Variants in TBC1D19 observed in about 807,000 individuals in gnomAD.
TBC1D19 encodes TBC1 domain family, member 19.
A neutral mutation model predicts 89.0 loss-of-function variants in TBC1D19; 60 were observed. The observed-to-expected ratio is 0.67, with a 90% CI of 0.55 to 0.84. The LOEUF is 0.84. Among genes scored for constraint, TBC1D19 ranks in the 40% least tolerant of loss-of-function variants. The probability of loss-of-function intolerance (pLI) is 0.00; values close to 1 mark genes in which losing one functional copy is unlikely to be tolerated. For missense variants in TBC1D19, 500 were observed against 610.8 expected, an observed-to-expected ratio of 0.82 and a Z score of 1.91; for synonymous variants, 189 against 199.7, an observed-to-expected ratio of 0.95 and a Z score of 0.45.
the TBC1D19 span, among the ~76,000 whole-genome samples, chr4:26,845,301 A>G: frequency 1.3e-5 from 2 of 152,216 alleles, no homozygotes; most frequent in African/African-American, 2.4e-5. Flanking sequence ...TACAAGAGTC[A>G]TTTCAAAAAG....
At chr4:26,752,861 A>T (rs1454356803) in intron 19 of TBC1D19, among the ~76,000 whole-genome samples, 2 of 152,064 alleles carry the variant, frequency 1.3e-5, no homozygotes, top group East Asian at 3.9e-4. Context: ...GGTTTTTGCC[A>T]TGTTGCCCAG....
At chr4:26,604,108 C>T (rs1161872514) in intron 1 of TBC1D19, among the ~76,000 whole-genome samples, 2 of 150,618 alleles carry the variant, frequency 1.3e-5, no homozygotes, top group Non-Finnish European at 3.0e-5. Context: ...ATATCATGAA[C>T]GTTCATCCAT....
chr4:26,692,371 C>T (rs559474971), intron 13 of TBC1D19, among the ~76,000 whole-genome samples: 16 of 152,284 alleles, frequency 1.1e-4, no homozygotes, highest in South Asian at 2.1e-4. Context: ...AGGGCCTCAA[C>T]GGCTTTCACC....
chr4:26,815,779 A>G, the TBC1D19 span, among the ~76,000 whole-genome samples: 1 of 152,358 alleles, frequency 6.6e-6, no homozygotes, highest in South Asian at 2.1e-4. Context: ...CTTGTCGGTA[A>G]TGTATAGTTA....
At chr4:26,761,777 G>C in the TBC1D19 span, among the ~76,000 whole-genome samples, 1 of 152,092 alleles carries the variant, frequency 6.6e-6, no homozygotes, top group Non-Finnish European at 1.5e-5. Flanking sequence ...TCTTGAATAA[G>C]TTTAACAAAT....
chr4:26,723,300 C>A (rs1235740797), intron 15 of TBC1D19, among the ~76,000 whole-genome samples: 1 of 152,016 alleles, frequency 6.6e-6, no homozygotes, highest in Non-Finnish European at 1.5e-5. Context: ...TACTTAGCAG[C>A]ATTTTTATAT....
At chr4:26,637,120 C>A in intron 4 of TBC1D19, 91 bp from the exon 5 acceptor site, 2 of 914,366 alleles carry the variant, frequency 2.2e-6, no homozygotes, top group Admixed American at 2.4e-5. Flanking sequence ...ACCAGCCTTA[C>A]CATTTCTATA....
intron 4 of TBC1D19, among the ~76,000 whole-genome samples, chr4:26,634,231 A>G (rs143347424): frequency 2.0e-5 from 3 of 152,228 alleles, no homozygotes; most frequent in Middle Eastern, 3.4e-3. Flanking sequence ...TCTTCCGTAC[A>G]TATCAAGCAA....
intron 13 of TBC1D19, among the ~76,000 whole-genome samples, chr4:26,701,953 G>A (rs1424133605): frequency 6.6e-6 from 1 of 152,164 alleles, no homozygotes; most frequent in Non-Finnish European, 1.5e-5. Flanking sequence ...CAGTGTGTGG[G>A]TAGAGAGAGT....
Position 26,669,614 on chromosome 4 carries a change from A to G in TBC1D19, c.665-2535A>G, listed in dbSNP as rs373439108. Among the ~76,000 whole-genome samples, 4 of 151,734 alleles carry G rather than the reference A, an allele frequency of 2.6e-5. No individual in the cohort carries two copies. In the East Asian group the frequency reaches 5.8e-4, roughly 22 times the overall value. ...GTATTTCACATAATTGAATAGTTAA[A>G]TTTTTTAAAGAAGTCTGTTTGATTA... On this transcript the variant is annotated intron_variant, in intron 9 of 20. Transcript: ENST00000264866.
intron 13 of TBC1D19, among the ~76,000 whole-genome samples, chr4:26,696,486 C>T (rs540778954): frequency 6.6e-6 from 1 of 152,314 alleles, no homozygotes; most frequent in East Asian, 1.9e-4. Context: ...AGGAATTGAA[C>T]TCAGCTCTGC....
chr4:26,602,191 A>T (rs528198825), intron 1 of TBC1D19, among the ~76,000 whole-genome samples: 80 of 152,338 alleles, frequency 5.3e-4, no homozygotes, highest in Non-Finnish European at 8.5e-4. Flanking sequence ...TACAGAGATG[A>T]AAGAACATTT....
intron 15 of TBC1D19, among the ~76,000 whole-genome samples, chr4:26,720,672 A>G (rs1028035885): frequency 2.6e-5 from 4 of 152,110 alleles, no homozygotes; most frequent in Admixed American, 2.6e-4. Flanking sequence ...GAAAAGCAAT[A>G]TATAGCAGTC....
chr4:26,584,298 T>C lies in TBC1D19; in HGVS notation c.99+6T>C, dbSNP rs1739274289. 6.2e-7 allele frequency: 1 copy of C among 1,604,378 alleles called. No homozygotes were observed. Among genetic ancestry groups the C allele is most frequent in the Non-Finnish European group, 8.5e-7 (1 of 1,176,038 alleles). The stretch of plus-strand genomic sequence containing the variant: ...AGCTGGAACGGCAGGCCTGGGTAAG[T>C]GAGGCCGAGTGGGAAGGGATGCAGA... On this transcript the variant is annotated splice_donor_region_variant and intron_variant, in intron 1 of 20. Coordinates refer to ENST00000264866, the MANE Select transcript of TBC1D19 (RefSeq NM_018317.4).
At chr4:26,653,069 CT>C (rs1158899053) in intron 7 of TBC1D19, among the ~76,000 whole-genome samples, 2 of 152,078 alleles carry the variant, frequency 1.3e-5, no homozygotes, top group African/African-American at 4.8e-5. Flanking sequence ...TATGTTGTGC[CT>C]TTTTTCTCAT....
intron 1 of TBC1D19, among the ~76,000 whole-genome samples, chr4:26,599,721 G>C (rs563518559): frequency 2.0e-5 from 3 of 151,972 alleles, no homozygotes; most frequent in African/African-American, 7.2e-5. Flanking sequence ...CAAGGCGGGC[G>C]GGTTGCCTGA....
chr4:26,576,791 G>T (rs1437280615), exon 1 of TBC1D19: 1 of 456,130 alleles, frequency 2.2e-6, no homozygotes, highest in African/African-American at 2.0e-5. Flanking sequence ...AAGACTCTGG[G>T]ATGAAGGTAT....
chr4:26,751,788 A>G (rs1376200144), intron 19 of TBC1D19, among the ~76,000 whole-genome samples: 2 of 152,176 alleles, frequency 1.3e-5, no homozygotes, highest in African/African-American at 2.4e-5. Flanking sequence ...GGGGAAATTA[A>G]GAGACCTGGC....
intron 12 of TBC1D19, among the ~76,000 whole-genome samples, chr4:26,684,504 C>T (rs1713640606): frequency 6.6e-6 from 1 of 152,154 alleles, no homozygotes; most frequent in Non-Finnish European, 1.5e-5. Flanking sequence ...TTCATCTGGC[C>T]ATGCTCAGGT....
Sources: gnomAD v4.1 joint callset for allele counts (sites outside exome capture counted in the v4.1 genomes callset) on GRCh38, gnomAD v4.1.1 for gene constraint, MANE v1.5 for transcripts, NCBI Gene and HGNC (gene_info 2026-07-23, HGNC 2026-07-21) for gene names.